Variants in ATP7A observed in about 807,000 individuals in gnomAD.
The protein encoded by ATP7A is copper-transporting ATPase 1.
In ATP7A, 7 loss-of-function variants were observed where a neutral mutation model predicts 83.5. That is an observed-to-expected ratio of 0.08 (90% CI 0.05 to 0.16). ATP7A has a LOEUF of 0.16. Ranked by LOEUF, ATP7A falls within the 10% of genes least tolerant of loss-of-function variation. The pLI, the probability that ATP7A is intolerant of heterozygous loss-of-function variation, is 1.00. For missense variants in ATP7A, 940 were observed against 1,120.8 expected (o/e 0.84, Z 2.30); for synonymous variants, 354 against 395.2 (o/e 0.90, Z 1.24).
intron 1 of ATP7A, among the ~76,000 whole-genome samples, chrX:77,931,928 G>A (rs1380789933): frequency 9.1e-5 from 9 of 99,419 alleles, no homozygotes; most frequent in Non-Finnish European, 1.6e-4. Flanking sequence ...CCCGGACCGG[G>A]CGGCTGGCTG....
intron 5 of ATP7A, among the ~76,000 whole-genome samples, chrX:78,001,138 G>C (rs1428456606): frequency 9.0e-6 from 1 of 111,481 alleles, no homozygotes; most frequent in African/African-American, 3.3e-5. Flanking sequence ...GAAGCAAAAA[G>C]ATTTTTTCCT....
intron 1 of ATP7A, among the ~76,000 whole-genome samples, chrX:77,944,805 G>GGTATGTAT (rs781880907): frequency 1.9e-5 from 2 of 107,197 alleles, no homozygotes; most frequent in Admixed American, 1.0e-4. Context: ...TCCTCAGTAT[G>GGTATGTAT]GTATGTATGT....
chrX:78,046,324 A>C lies in ATP7A; in HGVS notation c.4257A>C (p.Glu1419Asp), dbSNP rs782385944. Residue 1419 changes from glutamate (E) to aspartate (D), a missense_variant, in exon 23 of 23, where the codon GAA becomes GAC. This residue lies in a region of ATP7A where 386 missense variants were observed against 502.2 expected (regional missense o/e 0.77). Coordinates refer to ENST00000341514, the MANE Select transcript of ATP7A (RefSeq NM_000052.7). Reference protein sequence around the residue: ...LYRKPTYESYELPARSQIGQK... With the variant: ...LYRKPTYESYDLPARSQIGQK... ...GGAAACCAACTTACGAGAGTTATGA[A>C]CTGCCTGCCCGGAGCCAGATAGGAC... 3 of 1,211,792 alleles carry C rather than the reference A, an allele frequency of 2.5e-6. No homozygotes were observed.
rs1252102007 is a variant in ATP7A, at chrX:77,948,871, ATATTTATTTG to A, written c.-21-22740_-21-22731del. ...CTAAAACATGTTCATTTATTCTCCA[ATATTTATTTG>A]TATTTATTTTATTTTTATTTTTATT... On this transcript the variant is annotated intron_variant, in intron 1 of 22. Coordinates refer to ENST00000341514, the MANE Select transcript of ATP7A (RefSeq NM_000052.7). 6.3e-5 allele frequency among the ~76,000 whole-genome samples: 7 copies of A among 111,006 alleles called. 1 individual carries two copies. Among genetic ancestry groups the A allele is most frequent in the Non-Finnish European group, 1.3e-4 (7 of 52,958 alleles).
intron 11 of ATP7A, 45 bp downstream of exon 11, chrX:78,014,798 A>C (rs2077850717): frequency 9.9e-7 from 1 of 1,005,725 alleles, no homozygotes; most frequent in Admixed American, 2.3e-5. Context: ...TAACTTCTTA[A>C]GAAAAATTTC....
chrX:77,998,328 A>C, intron 4 of ATP7A, 150 bp from the exon 5 acceptor site: 2 of 545,350 alleles, frequency 3.7e-6, no homozygotes, highest in Non-Finnish European at 6.3e-6. Context: ...AGGAAAGTGT[A>C]GAGATAACTT....
At chrX:77,959,519 A>C (rs782463805) in intron 1 of ATP7A, among the ~76,000 whole-genome samples, 59 of 111,837 alleles carry the variant, frequency 5.3e-4, no homozygotes, top group Non-Finnish European at 3.4e-4. Flanking sequence ...GGCAGTATCC[A>C]TGGCCTCTAT....
At chrX:77,939,668 CTAAT>C (rs782536613) in intron 1 of ATP7A, among the ~76,000 whole-genome samples, 13 of 110,616 alleles carry the variant, frequency 1.2e-4, no homozygotes, top group Middle Eastern at 4.4e-3. Context: ...AACATCCACT[CTAAT>C]TACAGAGTTT....
At position 78,046,837 on chromosome X, in the gene ATP7A, A is replaced by G. The variant is rs151132335; in HGVS notation, c.*267A>G. 9.7e-3 allele frequency: 2,946 copies of G among 303,405 alleles called. 85 individuals are homozygous for G. The highest frequency in any genetic ancestry group is 0.075 in the African/African-American group (2,713 of 36,378). 25.0% of individuals were successfully genotyped at this position (303,405 alleles called of 1,213,427 possible). A position where few individuals can be genotyped will look rare whatever the true frequency, so the allele number is the denominator to read the frequency against. ...AGCAGTGAGGTTTACAACAAGCCCT[A>G]CAATTAGAGATTGCTGAACTGCTGC... On this transcript the variant is annotated 3_prime_UTR_variant, in exon 23 of 23. Transcript: ENST00000341514.
chrX:77,971,268 A>G lies in ATP7A; in HGVS notation c.-21-353A>G, dbSNP rs191857793. Among the ~76,000 whole-genome samples, 266 of 112,053 alleles carry G rather than the reference A, an allele frequency of 2.4e-3. 2 individuals carry two copies. The highest frequency in any genetic ancestry group is 8.2e-3 in the African/African-American group (252 of 30,877). On this transcript the variant is annotated intron_variant, in intron 1 of 22. Transcript: ENST00000341514. The stretch of plus-strand genomic sequence containing the variant: ...GTTGTAAGGATTTGAGGCATTTTTG[A>G]TTAGTTCTTAATTCGTACTTACAAA...
intron 4 of ATP7A, among the ~76,000 whole-genome samples, chrX:77,994,208 G>A (rs1490242884): frequency 9.0e-6 from 1 of 110,513 alleles, no homozygotes; most frequent in Admixed American, 9.7e-5. Flanking sequence ...TAGGATTACA[G>A]GCGCATGCCA....
intron 1 of ATP7A, among the ~76,000 whole-genome samples, chrX:77,956,726 C>CTCTCTCTTTCTTTCTTTCTTT (rs1557227391): frequency 4.1e-5 from 3 of 73,772 alleles, no homozygotes; most frequent in African/African-American, 1.5e-4. Flanking sequence ...TACCCAGTCT[C>CTCTCTCTTTCTTTCTTTCTTT]CTTTCTTTCT....
chrX:78,042,034 C>T (rs1356908610), intron 19 of ATP7A, among the ~76,000 whole-genome samples: 2 of 104,330 alleles, frequency 1.9e-5, no homozygotes, highest in Non-Finnish European at 3.9e-5. Flanking sequence ...AGGAGAATCG[C>T]TTGAACCAGG....
intron 1 of ATP7A, among the ~76,000 whole-genome samples, chrX:77,946,338 C>G (rs782780791): frequency 3.8e-4 from 42 of 109,314 alleles, no homozygotes; most frequent in Non-Finnish European, 1.1e-4. Flanking sequence ...TTTTTTATAT[C>G]CATTCTAAAA....
At chrX:77,985,303 G>A (rs782378690) in intron 2 of ATP7A, among the ~76,000 whole-genome samples, 7 of 109,276 alleles carry the variant, frequency 6.4e-5, no homozygotes, top group Admixed American at 2.0e-4. Flanking sequence ...GATTACAGGC[G>A]TGTGCCACCT....
intron 1 of ATP7A, chrX:77,963,638 C>T (rs1364718580): frequency 1.8e-5 from 2 of 111,084 alleles, no homozygotes; most frequent in African/African-American, 3.3e-5. Context: ...CTCATTCTGT[C>T]TCCCAGGCTG....
intron 4 of ATP7A, among the ~76,000 whole-genome samples, chrX:77,993,835 T>C (rs923908188): frequency 9.0e-6 from 1 of 111,551 alleles, no homozygotes; most frequent in Non-Finnish European, 1.9e-5. Context: ...GCCTAAAGCA[T>C]TTTTCAGAAC....
intron 1 of ATP7A, among the ~76,000 whole-genome samples, chrX:77,967,615 A>G (rs2068181744): frequency 8.9e-6 from 1 of 111,754 alleles, no homozygotes; most frequent in Non-Finnish European, 1.9e-5. Flanking sequence ...TTTCTTGTAA[A>G]TTGTTTAAGT....
In ATP7A at chrX:78,046,281, T is replaced by G. The variant is rs1212569517; in HGVS notation, c.4227-13T>G. On this transcript the variant is annotated splice_polypyrimidine_tract_variant and intron_variant, in intron 22 of 22. Coordinates refer to ENST00000341514, the MANE Select transcript of ATP7A (RefSeq NM_000052.7). ...TGGTTATTTGAAACTAGCATACTTT[T>G]GCATATGTCCAGTTACAGGAAACCA... The G allele has an allele frequency of 3.3e-6, 4 of 1,210,513 alleles. No homozygotes were observed. The highest frequency in any genetic ancestry group is 3.4e-6 in the Non-Finnish European group (3 of 894,554).
Sources: gnomAD v4.1 joint callset for allele counts (sites outside exome capture counted in the v4.1 genomes callset) on GRCh38, gnomAD v4.1.1 for gene constraint, gnomAD v4.1.1 regional missense constraint, MANE v1.5 for transcripts, NCBI Gene and HGNC (gene_info 2026-07-23, HGNC 2026-07-21) for gene names.